SYNPO2: variants seen among roughly 807,000 people sequenced by gnomAD.
SYNPO2 encodes synaptopodin-2.
Under a neutral mutation model 85.0 loss-of-function variants are expected in SYNPO2, and 56 were observed. That is an observed-to-expected ratio of 0.66 (90% CI 0.53 to 0.82). SYNPO2 has a LOEUF of 0.82. Among genes scored for constraint, SYNPO2 ranks in the 40% least tolerant of loss-of-function variants. The probability of loss-of-function intolerance (pLI) is 0.00; values close to 1 mark genes in which losing one functional copy is unlikely to be tolerated. For synonymous variants in SYNPO2, 602 were observed against 591.1 expected, an observed-to-expected ratio of 1.02 and a Z score of -0.27; for missense variants, 1,575 against 1,534.2, an observed-to-expected ratio of 1.03 and a Z score of -0.44.
intron 1 of SYNPO2, among the ~76,000 whole-genome samples, chr4:118,876,912 T>G (rs933293023): frequency 6.6e-6 from 1 of 151,816 alleles, no homozygotes; most frequent in Non-Finnish European, 1.5e-5. Flanking sequence ...AACCTCAGCC[T>G]CCTGAGTAGC....
In SYNPO2 at chr4:118,879,296, A is replaced by G. The variant is rs115797270; in HGVS notation, c.12+28356A>G. ...ATTCTGAACACAGAAGTGCCAATTC[A>G]GAGAGGGTTAGAGCTTCCTTTTCCC... On this transcript the variant is annotated intron_variant, in intron 1 of 4. Transcript: ENST00000610556. 1.8e-3 allele frequency among the ~76,000 whole-genome samples: 280 copies of G among 152,334 alleles called. 2 individuals are homozygous for G. The highest frequency in any genetic ancestry group is 6.2e-3 in the African/African-American group (259 of 41,580).
At chr4:118,967,347 C>G (rs1312594305) in intron 1 of SYNPO2, among the ~76,000 whole-genome samples, 2 of 152,198 alleles carry the variant, frequency 1.3e-5, no homozygotes, top group Non-Finnish European at 2.9e-5. Flanking sequence ...GACCTTTTAG[C>G]TCTGACATTC....
At chr4:118,966,733 C>T (rs1735331191) in intron 1 of SYNPO2, among the ~76,000 whole-genome samples, 1 of 152,144 alleles carries the variant, frequency 6.6e-6, no homozygotes, top group South Asian at 2.1e-4. Flanking sequence ...GACCCCCCTC[C>T]CCTAGTTCCT....
intron 1 of SYNPO2, among the ~76,000 whole-genome samples, chr4:118,948,649 T>C (rs956873219): frequency 3.9e-5 from 6 of 152,022 alleles, no homozygotes; most frequent in African/African-American, 1.2e-4. Context: ...CAGGCATCAA[T>C]TGCGAAGGAA....
In SYNPO2 at chr4:119,015,121, T is replaced by C. The variant is rs1737479025; in HGVS notation, c.106-8309T>C. Among the ~76,000 whole-genome samples the C allele has an allele frequency of 2.0e-5, 3 of 152,360 alleles. No homozygotes were observed. In the South Asian group the frequency reaches 6.2e-4, roughly 32 times the overall value. On this transcript the variant is annotated intron_variant, in intron 1 of 4. Transcript: ENST00000307142. ...AATGTATCTTATATGTATTATAGTT[T>C]GACAAAGTATAGAATTAGGAATCTG...
chr4:118,866,124 G>A, intron 1 of SYNPO2, among the ~76,000 whole-genome samples: 1 of 152,152 alleles, frequency 6.6e-6, no homozygotes, highest in Non-Finnish European at 1.5e-5. Flanking sequence ...GTGTATGTTT[G>A]TCTCCAGTTT....
At chr4:118,938,686 A>G (rs1734197789) in intron 1 of SYNPO2, among the ~76,000 whole-genome samples, 1 of 152,230 alleles carries the variant, frequency 6.6e-6, no homozygotes, top group South Asian at 2.1e-4. Context: ...CCTAATACAT[A>G]ACTTAGTCTC....
chr4:118,937,739 A>G lies in SYNPO2; in HGVS notation c.105+48598A>G, dbSNP rs149080974. Reference sequence around the variant, plus strand: ...CAAGAATCAATCACAAAATCCTTGTAAAATACTAGAGTGCCTGGCACATAA... The same window carrying G: ...CAAGAATCAATCACAAAATCCTTGTGAAATACTAGAGTGCCTGGCACATAA... On this transcript the variant is annotated intron_variant, in intron 1 of 4. Transcript: ENST00000307142. 4.8e-3 allele frequency among the ~76,000 whole-genome samples: 724 copies of G among 152,340 alleles called. 5 individuals are homozygous for G. Among genetic ancestry groups the G allele is most frequent in the Admixed American group, 9.0e-3 (138 of 15,290 alleles).
chr4:118,873,990 T>C (rs62329298), intron 1 of SYNPO2, among the ~76,000 whole-genome samples: 22,283 of 152,142 alleles, frequency 0.15, 1,727 homozygotes, highest in East Asian at 0.21. Flanking sequence ...CCCCAGTGTA[T>C]GTTCTTGTTT....
At chr4:118,916,796 A>G (rs1733350189) in intron 1 of SYNPO2, among the ~76,000 whole-genome samples, 2 of 135,554 alleles carry the variant, frequency 1.5e-5, no homozygotes, top group South Asian at 4.6e-4. Context: ...GCAGTGATGC[A>G]GTCATAGCTC....
intron 1 of SYNPO2, among the ~76,000 whole-genome samples, chr4:118,976,358 C>T (rs1040411050): frequency 1.3e-5 from 2 of 152,092 alleles, no homozygotes. Flanking sequence ...TGCAGATCTT[C>T]GCGGTGAGTG....
Position 119,023,466 on chromosome 4 carries a change from TG to T in SYNPO2, c.143del (p.Cys48LeufsTer29). 6.2e-7 allele frequency: 1 copy of T among 1,613,914 alleles called. No homozygotes were observed. Among genetic ancestry groups the T allele is most frequent in the Non-Finnish European group, 8.5e-7 (1 of 1,179,872 alleles). The stretch of plus-strand genomic sequence containing the variant: ...GAGCAAAGCCTCTGGGTCTGGGCTC[TG>T]TGAGGGAGATGAAGTGGTTTCCATC... ...NQSKASGSGL[C>X]EGDEVVSING... is the part of the protein sequence containing the mutation. On this transcript the variant is annotated frameshift_variant, in exon 2 of 5. Transcript: ENST00000307142. LOFTEE classifies it high-confidence loss of function.
intron 1 of SYNPO2, among the ~76,000 whole-genome samples, chr4:118,892,442 C>T (rs1732407040): frequency 6.6e-6 from 1 of 152,048 alleles, no homozygotes; most frequent in Non-Finnish European, 1.5e-5. Flanking sequence ...ACAAATTTAT[C>T]CAAACAGAAA....
intron 1 of SYNPO2, among the ~76,000 whole-genome samples, chr4:118,923,893 A>G (rs2149129612): frequency 6.6e-6 from 1 of 152,032 alleles, no homozygotes; most frequent in South Asian, 2.1e-4. Flanking sequence ...GCACTCAAAA[A>G]AAAAAAAAAA....
At chr4:118,960,338 C>T (rs2149147363) in intron 1 of SYNPO2, among the ~76,000 whole-genome samples, 1 of 152,192 alleles carries the variant, frequency 6.6e-6, no homozygotes, top group South Asian at 2.1e-4. Context: ...AAAATAATGA[C>T]AATATCACTA....
chr4:119,022,549 T>G, intron 1 of SYNPO2, among the ~76,000 whole-genome samples: 3 of 122,306 alleles, frequency 2.5e-5, no homozygotes, highest in Admixed American at 1.9e-4. Flanking sequence ...AGAGACAGGG[T>G]CTTACCATAT....
chr4:118,998,625 A>G (rs1306684992), intron 1 of SYNPO2, among the ~76,000 whole-genome samples: 1 of 152,184 alleles, frequency 6.6e-6, no homozygotes, highest in African/African-American at 2.4e-5. Context: ...GTGACTCAAG[A>G]TCACTGAGGT....
rs145468048 is a variant in SYNPO2, at chr4:119,057,503, A to T, written c.3355A>T (p.Thr1119Ser). Reference protein sequence around the residue: ...QPTYSYSSKPTDGLEKANKRP... With the variant: ...QPTYSYSSKPSDGLEKANKRP... The stretch of plus-strand genomic sequence containing the variant: ...TACTTATAGTTACTCTAGTAAACCA[A>T]CCGATGGACTAGAGAAAGCAAACAA... Residue 1119 changes from threonine (T) to serine (S), a missense_variant, in exon 5 of 5, where the codon ACC becomes TCC. Thr to Ser is a moderately conservative substitution (Grantham distance 58). Coordinates refer to ENST00000307142, the MANE Select transcript of SYNPO2 (RefSeq NM_133477.3). The T allele has an allele frequency of 5.0e-6, 8 of 1,613,988 alleles. No individual in the cohort carries two copies. Among genetic ancestry groups the T allele is most frequent in the Non-Finnish European group, 6.8e-6 (8 of 1,180,042 alleles).
At chr4:118,928,195 G>A (rs1214975105) in intron 1 of SYNPO2, among the ~76,000 whole-genome samples, 1 of 152,184 alleles carries the variant, frequency 6.6e-6, no homozygotes, top group African/African-American at 2.4e-5. Flanking sequence ...TTCACATGTT[G>A]CCCTTTAAGA....
Sources: gnomAD v4.1 joint callset for allele counts (sites outside exome capture counted in the v4.1 genomes callset) on GRCh38, gnomAD v4.1.1 for gene constraint, MANE v1.5 for transcripts, NCBI Gene and HGNC (gene_info 2026-07-23, HGNC 2026-07-21) for gene names.